The following DOCK3 variants were observed in gnomAD, a reference collection of about 807,000 sequenced individuals.
DOCK3 encodes the protein dedicator of cytokinesis 3.
Under a neutral mutation model 265.6 loss-of-function variants are expected in DOCK3, and 60 were observed. The observed-to-expected ratio is 0.23, with a 90% CI of 0.18 to 0.28. The LOEUF (loss-of-function observed/expected upper bound fraction) is 0.28. Ranked by LOEUF, DOCK3 falls within the 10% of genes least tolerant of loss-of-function variation. The pLI is 1.00. For missense variants in DOCK3, 1,981 were observed against 2,594.3 expected (o/e 0.76, Z 5.14); for synonymous variants, 881 against 938.0 (o/e 0.94, Z 1.11).
chr3:50,882,915 C>T (rs1197584789), intron 3 of DOCK3, among the ~76,000 whole-genome samples: 2 of 152,176 alleles, frequency 1.3e-5, no homozygotes, highest in African/African-American at 4.8e-5. Context: ...GGCACATATA[C>T]ACCATGGAAT....
intron 4 of DOCK3, among the ~76,000 whole-genome samples, chr3:50,932,339 T>A (rs1230493482): frequency 6.6e-6 from 1 of 152,186 alleles, no homozygotes; most frequent in Non-Finnish European, 1.5e-5. Context: ...TGTCTTCTTG[T>A]GGAAACAAAT....
intron 1 of DOCK3, among the ~76,000 whole-genome samples, chr3:50,716,907 A>G (rs1219703028): frequency 1.3e-5 from 2 of 152,114 alleles, no homozygotes; most frequent in African/African-American, 4.8e-5. Flanking sequence ...TGTTCCTTAT[A>G]TATTTTTCTG....
intron 5 of DOCK3, among the ~76,000 whole-genome samples, chr3:51,014,124 G>A (rs927270434): frequency 6.6e-6 from 1 of 152,098 alleles, no homozygotes; most frequent in African/African-American, 2.4e-5. Context: ...AGCTTCCTGG[G>A]TGGGGCAGTG....
intron 5 of DOCK3, among the ~76,000 whole-genome samples, chr3:51,008,632 CT>C (rs1359994145): frequency 1.3e-5 from 2 of 152,146 alleles, no homozygotes; most frequent in East Asian, 3.8e-4. Context: ...TTTCTCTTGC[CT>C]GATTGCCCTG....
At chr3:50,925,971 A>C (rs980973877) in intron 4 of DOCK3, among the ~76,000 whole-genome samples, 10 of 151,502 alleles carry the variant, frequency 6.6e-5, no homozygotes, top group African/African-American at 2.4e-4. Context: ...AGCTGGGATT[A>C]CAAGGCACGC....
In DOCK3 at chr3:51,383,664, G is replaced by A. The variant is rs2088803236; in HGVS notation, c.*2105G>A. 6.6e-6 allele frequency: 1 copy of A among 152,420 alleles called. No homozygotes were observed. The highest frequency in any genetic ancestry group is 1.5e-5 in the Non-Finnish European group (1 of 68,034). The allele number at this position is 152,420 out of a possible 1,614,324, so 9.4% of individuals were successfully genotyped here. On this transcript the variant is annotated 3_prime_UTR_variant, in exon 53 of 53. Coordinates refer to ENST00000266037, the MANE Select transcript of DOCK3 (RefSeq NM_004947.5). ...CCCTCTCCATTTTCCCTAACTAAATGAAAAGGACACATTCTGAAATCCCTT... is the reference window on the plus strand; with the variant it reads ...CCCTCTCCATTTTCCCTAACTAAATAAAAAGGACACATTCTGAAATCCCTT...
At chr3:50,695,436 A>T (rs2035550608) in intron 1 of DOCK3, among the ~76,000 whole-genome samples, 1 of 152,192 alleles carries the variant, frequency 6.6e-6, no homozygotes, top group South Asian at 2.1e-4. Flanking sequence ...CCAAAAGCCA[A>T]ATTTTATACC....
chr3:50,836,119 T>A (rs916724537), intron 2 of DOCK3, among the ~76,000 whole-genome samples: 10 of 152,180 alleles, frequency 6.6e-5, no homozygotes, highest in African/African-American at 2.4e-4. Context: ...AAAAGAGCCT[T>A]ATATTTTGAG....
intron 27 of DOCK3, among the ~76,000 whole-genome samples, chr3:51,305,277 A>G (rs892918682): frequency 2.0e-5 from 3 of 152,162 alleles, no homozygotes; most frequent in Middle Eastern, 3.2e-3. Context: ...CGACTTCCAG[A>G]CATAACTGAC....
chr3:51,154,039 A>G (rs999087542), intron 10 of DOCK3, among the ~76,000 whole-genome samples: 1 of 152,226 alleles, frequency 6.6e-6, no homozygotes, highest in Non-Finnish European at 1.5e-5. Context: ...AGATATCGCA[A>G]AGATTACATT....
At chr3:50,981,799 G>A (rs1201861362) in intron 5 of DOCK3, among the ~76,000 whole-genome samples, 1 of 151,986 alleles carries the variant, frequency 6.6e-6, no homozygotes, top group East Asian at 1.9e-4. Context: ...TTTGCATGAA[G>A]TATCTTTTTT....
intron 2 of DOCK3, among the ~76,000 whole-genome samples, chr3:50,789,835 C>T (rs1216662293): frequency 2.0e-5 from 3 of 152,124 alleles, no homozygotes; most frequent in African/African-American, 2.4e-5. Flanking sequence ...TGGGTTCAAG[C>T]GATTCTTGTG....
chr3:51,241,246 A>G (rs952095490), intron 21 of DOCK3, among the ~76,000 whole-genome samples: 2 of 152,160 alleles, frequency 1.3e-5, no homozygotes, highest in Non-Finnish European at 2.9e-5. Context: ...AATGTTGAAT[A>G]TTGGCCCCCA....
At chr3:51,159,038 G>A (rs374823178) in intron 10 of DOCK3, among the ~76,000 whole-genome samples, 2 of 152,160 alleles carry the variant, frequency 1.3e-5, no homozygotes, top group East Asian at 1.9e-4. Context: ...CTGGAAAAAT[G>A]TTGTCAATAG....
At chr3:51,082,962 GCCATGTGTACC>G in intron 7 of DOCK3, among the ~76,000 whole-genome samples, 1 of 152,156 alleles carries the variant, frequency 6.6e-6, no homozygotes, top group African/African-American at 2.4e-5. Flanking sequence ...CATTGCCAGT[GCCATGTGTACC>G]ACCACGGGGC....
At chr3:51,166,641 T>A (rs1417603834) in intron 12 of DOCK3, among the ~76,000 whole-genome samples, 1 of 152,256 alleles carries the variant, frequency 6.6e-6, no homozygotes, top group Non-Finnish European at 1.5e-5. Flanking sequence ...TCTTGTTTTG[T>A]GATTACAGCC....
At chr3:51,329,102 G>A (rs897764932) in intron 32 of DOCK3, among the ~76,000 whole-genome samples, 11 of 152,144 alleles carry the variant, frequency 7.2e-5, no homozygotes, top group African/African-American at 2.4e-4. Flanking sequence ...GCAGTGAGCC[G>A]AGATCGCGCC....
At chr3:51,352,123 C>T (rs192812534) in intron 40 of DOCK3, among the ~76,000 whole-genome samples, 1 of 152,198 alleles carries the variant, frequency 6.6e-6, no homozygotes, top group African/African-American at 2.4e-5. Context: ...AGCAATTGTA[C>T]AAGAACTAGA....
chr3:50,981,815 C>T (rs1344181038), intron 5 of DOCK3, among the ~76,000 whole-genome samples: 1 of 151,674 alleles, frequency 6.6e-6, no homozygotes, highest in East Asian at 1.9e-4. Flanking sequence ...TTTTTCATCC[C>T]GTTACTTTCA....
Sources: gnomAD v4.1 joint callset for allele counts (sites outside exome capture counted in the v4.1 genomes callset) on GRCh38, gnomAD v4.1.1 for gene constraint, MANE v1.5 for transcripts, NCBI Gene and HGNC (gene_info 2026-07-23, HGNC 2026-07-21) for gene names.